Variants in RSRC1 observed in about 807,000 individuals in gnomAD.
The protein encoded by RSRC1 is arginine and serine rich coiled-coil 1, also known as serine/Arginine-related protein 53.
A neutral mutation model predicts 49.1 loss-of-function variants in RSRC1; 39 were observed. The observed-to-expected ratio is 0.79, with a 90% CI of 0.61 to 1.04. The LOEUF is 1.04. Among genes scored for constraint, RSRC1 ranks in the 50% least tolerant of loss-of-function variants. RSRC1 has a pLI of 0.00. For missense variants in RSRC1, 388 were observed against 402.4 expected, an observed-to-expected ratio of 0.96 and a Z score of 0.31; for synonymous variants, 143 against 130.8, an observed-to-expected ratio of 1.09 and a Z score of -0.63.
intron 6 of RSRC1, among the ~76,000 whole-genome samples, chr3:158,451,820 G>C (rs1260266216): frequency 6.6e-6 from 1 of 152,050 alleles, no homozygotes; most frequent in East Asian, 1.9e-4. Context: ...CTTTAGGTGA[G>C]CTACTGTATT....
chr3:158,421,943 T>C lies in RSRC1; in HGVS notation c.584-38992T>C, dbSNP rs898738335. ...GTGGTTCAGACATTATTAAATGTTA[T>C]TCATCCCTATCCATTCCTACCCTCA... On this transcript the variant is annotated intron_variant, in intron 6 of 9. Transcript: ENST00000611884. 2.0e-5 allele frequency among the ~76,000 whole-genome samples: 3 copies of C among 151,878 alleles called. No homozygotes were observed. The East Asian group carries it at 5.8e-4, about 29-fold the overall frequency.
At chr3:158,288,784 AATGTC>A (rs71891847) in intron 4 of RSRC1, among the ~76,000 whole-genome samples, 4,019 of 150,572 alleles carry the variant, frequency 0.027, 205 homozygotes, top group African/African-American at 0.095. Flanking sequence ...TTTAGGGAAT[AATGTC>A]AAGAATAAAA....
At chr3:158,458,201 GCTGA>G (rs1560051641) in intron 6 of RSRC1, among the ~76,000 whole-genome samples, 1 of 149,008 alleles carries the variant, frequency 6.7e-6, no homozygotes, top group Admixed American at 6.8e-5. Flanking sequence ...AACTATGGAT[GCTGA>G]CTAAGGAGGA....
rs148669524 is a variant in RSRC1, at chr3:158,460,104, ATTCT to A, written c.584-828_584-825del. ...CAAAGTTTAATGCTGGCACAGTTTG[ATTCT>A]TTTTCTTTTGACAAGGCAATACTTT... On this transcript the variant is annotated intron_variant, in intron 6 of 9. Coordinates refer to ENST00000611884, the MANE Select transcript of RSRC1 (RefSeq NM_001271838.2). 2.2e-3 allele frequency among the ~76,000 whole-genome samples: 339 copies of A among 152,016 alleles called. 1 individual carries two copies. The highest frequency in any genetic ancestry group is 7.8e-3 in the African/African-American group (326 of 41,548).
chr3:158,248,346 A>G (rs955796687), intron 4 of RSRC1, among the ~76,000 whole-genome samples: 7 of 152,166 alleles, frequency 4.6e-5, no homozygotes, highest in Non-Finnish European at 1.0e-4. Flanking sequence ...TTTGTGATTC[A>G]TTCACAATGT....
At chr3:158,517,627 G>T (rs6780010) in intron 7 of RSRC1, among the ~76,000 whole-genome samples, 103 of 150,540 alleles carry the variant, frequency 6.8e-4, no homozygotes, top group African/African-American at 2.4e-3. Flanking sequence ...GGGTCTTGCT[G>T]TGTTGCCCCA....
intron 7 of RSRC1, among the ~76,000 whole-genome samples, chr3:158,468,063 C>T (rs1315498241): frequency 6.6e-6 from 1 of 152,062 alleles, no homozygotes. Context: ...CCTCCCGAGT[C>T]GCTGGTACTA....
intron 6 of RSRC1, among the ~76,000 whole-genome samples, chr3:158,406,480 A>C (rs1028950349): frequency 6.6e-5 from 10 of 152,252 alleles, no homozygotes; most frequent in African/African-American, 1.9e-4. Flanking sequence ...GATGTTGATA[A>C]ATATTAAAAT....
At position 158,544,260 on chromosome 3, in the gene RSRC1, C is replaced by A. The variant is rs1413782904; in HGVS notation, c.990C>A (p.Gly330=). 1 of 1,608,612 alleles carries A rather than the reference C, an allele frequency of 6.2e-7. No individual in the cohort carries two copies. Among genetic ancestry groups the A allele is most frequent in the South Asian group, 1.1e-5 (1 of 90,930 alleles). The change falls in exon 10 of 10, where the codon GGC becomes GGA. Residue 330 remains glycine (G), a synonymous_variant. Transcript: ENST00000611884. ...CTCTCCGACAAGAAAGACTAATGGG[C>A]AGTCCTGTGGCCTAAGTAATATACA... ...LIALRQERLM[G]SPVA is the part of the protein sequence containing the mutation.
chr3:158,399,047 T>C (rs1452974182), intron 6 of RSRC1, among the ~76,000 whole-genome samples: 1 of 151,508 alleles, frequency 6.6e-6, no homozygotes, highest in African/African-American at 2.4e-5. Context: ...ATATTTATCA[T>C]GTTTGAGATA....
intron 6 of RSRC1, among the ~76,000 whole-genome samples, chr3:158,394,945 G>A (rs962973257): frequency 6.6e-6 from 1 of 152,018 alleles, no homozygotes; most frequent in Non-Finnish European, 1.5e-5. Context: ...CTATACTTCA[G>A]GGGCACAGTA....
Position 158,398,440 on chromosome 3 carries a change from G to A in RSRC1, c.583+43532G>A, listed in dbSNP as rs940430086. 5.3e-5 allele frequency among the ~76,000 whole-genome samples: 8 copies of A among 152,206 alleles called. No individual in the cohort carries two copies. In the East Asian group the frequency reaches 5.8e-4, roughly 11 times the overall value. On this transcript the variant is annotated intron_variant, in intron 6 of 9. Coordinates refer to ENST00000611884, the MANE Select transcript of RSRC1 (RefSeq NM_001271838.2). ...GAACTTTGCACACTGCAGCTTCACC[G>A]TAGAAGGGGTTGAAGGGGTCTAGCT...
intron 5 of RSRC1, among the ~76,000 whole-genome samples, chr3:158,315,030 T>TC (rs1728347612): frequency 1.4e-5 from 1 of 73,246 alleles, no homozygotes; most frequent in Non-Finnish European, 2.7e-5. Flanking sequence ...AGACTTTGTC[T>TC]CAAAAAAAAA....
intron 7 of RSRC1, among the ~76,000 whole-genome samples, chr3:158,506,714 C>T (rs1338614206): frequency 6.6e-6 from 1 of 151,686 alleles, no homozygotes; most frequent in Non-Finnish European, 1.5e-5. Context: ...AACCCACATA[C>T]ACTGTTGGTG....
chr3:158,278,238 C>A (rs1484823276), intron 4 of RSRC1, among the ~76,000 whole-genome samples: 1 of 152,184 alleles, frequency 6.6e-6, no homozygotes, highest in African/African-American at 2.4e-5. Context: ...ATTTTACATT[C>A]AGATGTTTTT....
At chr3:158,141,926 C>T (rs1038759133) in intron 3 of RSRC1, among the ~76,000 whole-genome samples, 11 of 151,952 alleles carry the variant, frequency 7.2e-5, no homozygotes, top group Non-Finnish European at 1.3e-4. Flanking sequence ...GGTGAAACCC[C>T]GTCTCTACTA....
chr3:158,222,943 C>T (rs1435004560), intron 4 of RSRC1, among the ~76,000 whole-genome samples: 1 of 151,636 alleles, frequency 6.6e-6, no homozygotes, highest in African/African-American at 2.4e-5. Context: ...TTCCATTTCT[C>T]TGCTCCTCAT....
intron 3 of RSRC1, among the ~76,000 whole-genome samples, chr3:158,186,212 C>T (rs1041595203): frequency 6.6e-6 from 1 of 151,962 alleles, no homozygotes; most frequent in Non-Finnish European, 1.5e-5. Flanking sequence ...GTTGTAGTGC[C>T]CACCTGCTAA....
intron 4 of RSRC1, among the ~76,000 whole-genome samples, chr3:158,217,713 A>T (rs1559947185): frequency 1.3e-5 from 2 of 149,306 alleles, no homozygotes; most frequent in Non-Finnish European, 3.0e-5. Flanking sequence ...GGTGATGGAT[A>T]ATAGTTATAG....
Sources: allele counts gnomAD v4.1 joint callset (sites outside exome capture counted in the v4.1 genomes callset), GRCh38; gene constraint gnomAD v4.1.1; transcripts MANE v1.5; gene names NCBI Gene and HGNC (gene_info 2026-07-23, HGNC 2026-07-21).